The following ATP9A variants were observed in gnomAD, a reference collection of about 807,000 sequenced individuals.
ATP9A encodes probable phospholipid-transporting ATPase IIA.
A neutral mutation model predicts 144.1 loss-of-function variants in ATP9A; 52 were observed. That is an observed-to-expected ratio of 0.36 (90% CI 0.29 to 0.45). The LOEUF is 0.45. Among genes scored for constraint, ATP9A ranks in the 20% least tolerant of loss-of-function variants. The pLI, the probability that ATP9A is intolerant of heterozygous loss-of-function variation, is 1.00. For synonymous variants in ATP9A, 582 were observed against 557.4 expected, an observed-to-expected ratio of 1.04 and a Z score of -0.62; for missense variants, 947 against 1,392.7, an observed-to-expected ratio of 0.68 and a Z score of 5.09.
chr20:51,603,803 T>C (rs1433538374), intron 27 of ATP9A, among the ~76,000 whole-genome samples: 1 of 151,080 alleles, frequency 6.6e-6, no homozygotes, highest in African/African-American at 2.4e-5. Flanking sequence ...TATTTAGAAA[T>C]GGAGTCTTAC....
At chr20:51,745,457 G>A (rs958393670) in intron 1 of ATP9A, among the ~76,000 whole-genome samples, 7 of 151,466 alleles carry the variant, frequency 4.6e-5, no homozygotes, top group African/African-American at 9.7e-5. Context: ...ATTAAAAGCC[G>A]TTATGAATTA....
chr20:51,608,473 G>T, intron 25 of ATP9A, 45 bp downstream of exon 25: 2 of 1,278,794 alleles, frequency 1.6e-6, no homozygotes, highest in Non-Finnish European at 2.3e-6. Context: ...GAAGGGAAAA[G>T]CAAAGGAGGA....
At chr20:51,748,932 T>TAGACAGAC (rs1274457331) in intron 1 of ATP9A, among the ~76,000 whole-genome samples, 21 of 137,454 alleles carry the variant, frequency 1.5e-4, no homozygotes, top group African/African-American at 5.7e-4. Flanking sequence ...GATAGATAGA[T>TAGACAGAC]AGATAGATAG....
intron 3 of ATP9A, among the ~76,000 whole-genome samples, chr20:51,718,199 C>T (rs2122857235): frequency 6.6e-6 from 1 of 152,028 alleles, no homozygotes; most frequent in Non-Finnish European, 1.5e-5. Flanking sequence ...CTTGGGATCC[C>T]AAATCTATAA....
intron 17 of ATP9A, among the ~76,000 whole-genome samples, chr20:51,625,752 G>A (rs912656574): frequency 6.6e-6 from 1 of 152,252 alleles, no homozygotes. Context: ...AAGCCAAACT[G>A]TGGGTCACCA....
chr20:51,724,307 G>T (rs1448746027), intron 3 of ATP9A, among the ~76,000 whole-genome samples: 2 of 152,112 alleles, frequency 1.3e-5, no homozygotes, highest in East Asian at 1.9e-4. Flanking sequence ...GAGAAAAAAG[G>T]GTATCTATTC....
At chr20:51,759,836 G>A (rs913379429) in intron 1 of ATP9A, among the ~76,000 whole-genome samples, 1 of 151,992 alleles carries the variant, frequency 6.6e-6, no homozygotes, top group Non-Finnish European at 1.5e-5. Context: ...TATAATTTCT[G>A]TATTTGCAAA....
intron 4 of ATP9A, among the ~76,000 whole-genome samples, chr20:51,698,496 G>A (rs951859258): frequency 3.3e-5 from 5 of 152,204 alleles, no homozygotes; most frequent in Non-Finnish European, 7.3e-5. Flanking sequence ...CTCCGGCCTG[G>A]GCAACAGTGA....
chr20:51,768,237 G>T, intron 1 of ATP9A, 65 bp downstream of exon 1: 1 of 1,101,216 alleles, frequency 9.1e-7, no homozygotes, highest in Non-Finnish European at 1.1e-6. Context: ...GCCCGGCCAG[G>T]CTGGCCCGAG....
At chr20:51,712,637 T>C (rs1185221120) in intron 4 of ATP9A, among the ~76,000 whole-genome samples, 1 of 152,360 alleles carries the variant, frequency 6.6e-6, no homozygotes, top group African/African-American at 2.4e-5. Context: ...AGAGGCGCCC[T>C]ACTTCCCTCT....
chr20:51,727,895 T>C (rs947032904), intron 2 of ATP9A, among the ~76,000 whole-genome samples: 5 of 149,650 alleles, frequency 3.3e-5, no homozygotes, highest in Admixed American at 1.3e-4. Context: ...CACGCCATTG[T>C]GCACCAGCCT....
At chr20:51,728,243 T>G (rs548785552) in intron 2 of ATP9A, among the ~76,000 whole-genome samples, 52 of 152,288 alleles carry the variant, frequency 3.4e-4, no homozygotes, top group Non-Finnish European at 4.7e-4. Flanking sequence ...AGACTTTCCA[T>G]GAATGAGAAT....
Position 51,683,221 on chromosome 20 carries a change from G to A in ATP9A, c.799+5843C>T, listed in dbSNP as rs929207926. On this transcript the variant is annotated intron_variant, in intron 9 of 27. Coordinates refer to ENST00000338821, the MANE Select transcript of ATP9A (RefSeq NM_006045.3). ...CCCACCTCAGCTTCCTGTATAGCTAGGACCAAAGGCACACAACACAACACC... is the reference window on the plus strand; with the variant it reads ...CCCACCTCAGCTTCCTGTATAGCTAAGACCAAAGGCACACAACACAACACC... Among the ~76,000 whole-genome samples the A allele has an allele frequency of 3.3e-5, 5 of 152,138 alleles. No individual in the cohort carries two copies. In the East Asian group the frequency reaches 9.7e-4, roughly 29 times the overall value.
At position 51,617,499 on chromosome 20, in the gene ATP9A, C is replaced by T. The variant is rs151213977; in HGVS notation, c.2406G>A (p.Val802=). ...AGGGAAACACTCTCACCTTTCCTTC[C>T]ACTCCCACGCCGCAGTCAGATTCCT... is the stretch of plus-strand genomic sequence containing the variant. ...MIQESDCGVG[V]EGKEGKQASL... The change falls in exon 22 of 28, where the codon GTG becomes GTA. Residue 802 remains valine, a synonymous_variant. Coordinates refer to ENST00000338821, the MANE Select transcript of ATP9A (RefSeq NM_006045.3). The T allele has an allele frequency of 2.2e-5, 35 of 1,610,578 alleles. No individual in the cohort carries two copies. In the African/African-American group the frequency reaches 4.3e-4, roughly 20 times the overall value.
At position 51,729,879 on chromosome 20, in the gene ATP9A, A is replaced by G; in HGVS notation, c.168T>C (p.Asn56=). Residue 56 remains asparagine, a synonymous_variant, in exon 2 of 28, where the codon AAT becomes AAC. Coordinates refer to ENST00000338821, the MANE Select transcript of ATP9A (RefSeq NM_006045.3). ...PEKRDQRYPR[N]VINNQKYNFF... Reference sequence around the variant, plus strand: ...AATTGTACTTCTGATTGTTGATGACATTCCGAGGATACCTCTGGTCTCTCT... The same window carrying G: ...AATTGTACTTCTGATTGTTGATGACGTTCCGAGGATACCTCTGGTCTCTCT... The G allele has an allele frequency of 1.2e-6, 2 of 1,607,138 alleles. No individual in the cohort carries two copies. The highest frequency in any genetic ancestry group is 1.3e-5 in the African/African-American group (1 of 74,444).
chr20:51,726,264 G>C (rs2077712432), intron 2 of ATP9A, among the ~76,000 whole-genome samples: 1 of 122,196 alleles, frequency 8.2e-6, no homozygotes, highest in Non-Finnish European at 1.6e-5. Flanking sequence ...AGTGAGCCAA[G>C]ATCGCACCAT....
chr20:51,635,090 G>A (rs2077285452), intron 15 of ATP9A, among the ~76,000 whole-genome samples: 1 of 152,156 alleles, frequency 6.6e-6, no homozygotes, highest in African/African-American at 2.4e-5. Context: ...GCTGACGTGA[G>A]GGGAGGTCAC....
At chr20:51,647,066 C>G (rs1034185412) in intron 14 of ATP9A, among the ~76,000 whole-genome samples, 9 of 152,068 alleles carry the variant, frequency 5.9e-5, no homozygotes, top group African/African-American at 2.2e-4. Context: ...TTGCAGTGAG[C>G]TGAGATCACA....
rs71192550 is a variant in ATP9A at position 51,718,814 on chromosome 20, C to CAAAAAAAAA, written c.328-5749_328-5741dup. 9.7e-4 allele frequency among the ~76,000 whole-genome samples: 56 copies of CAAAAAAAAA among 57,692 alleles called. 3 individuals are homozygous for CAAAAAAAAA. The highest frequency in any genetic ancestry group is 1.4e-3 in the African/African-American group (16 of 11,242). 37.8% of individuals were successfully genotyped at this position (57,692 alleles called of 152,430 possible). ...TGGGCAACAGAGCAAGACTCCATCTCAAAAAAAAAAAAAAAAAAAAAAAAA... is the reference window on the plus strand; with the variant it reads ...TGGGCAACAGAGCAAGACTCCATCTCAAAAAAAAAAAAAAAAAAAAAAAAAAAAAAAAAA... On this transcript the variant is annotated intron_variant, in intron 3 of 27. Transcript: ENST00000338821.
Sources: allele counts gnomAD v4.1 joint callset (sites outside exome capture counted in the v4.1 genomes callset), GRCh38; gene constraint gnomAD v4.1.1; transcripts MANE v1.5; gene names NCBI Gene and HGNC (gene_info 2026-07-23, HGNC 2026-07-21).